Variants in PRDM11 observed in about 807,000 individuals in gnomAD.
PRDM11 encodes the protein PR/SET domain 11.
PRDM11 carries 20 observed loss-of-function variants against 97.8 expected under a neutral mutation model. The observed-to-expected ratio is 0.20, with a 90% CI of 0.14 to 0.30. The LOEUF is 0.30. PRDM11 is among the 10% of genes least tolerant of loss of function. The pLI is 1.00. For missense variants in PRDM11, 1,139 were observed against 1,555.2 expected, an observed-to-expected ratio of 0.73 and a Z score of 4.50; for synonymous variants, 599 against 637.7, an observed-to-expected ratio of 0.94 and a Z score of 0.91.
At chr11:45,126,163 G>T (rs1348348920) in intron 1 of PRDM11, among the ~76,000 whole-genome samples, 1 of 151,988 alleles carries the variant, frequency 6.6e-6, no homozygotes, top group African/African-American at 2.4e-5. Flanking sequence ...TGCAACCCCT[G>T]CCTTTTTTTG....
intron 4 of PRDM11, among the ~76,000 whole-genome samples, chr11:45,196,527 A>ATC (rs1472715482): frequency 6.6e-6 from 1 of 151,974 alleles, no homozygotes; most frequent in Non-Finnish European, 1.5e-5. Context: ...ATACTCCTGG[A>ATC]TCTCTCTCTC....
At chr11:45,221,990 G>T (rs868764586) in intron 6 of PRDM11, among the ~76,000 whole-genome samples, 7 of 152,278 alleles carry the variant, frequency 4.6e-5, no homozygotes, top group South Asian at 4.2e-4. Flanking sequence ...GTAATTGGAG[G>T]TAGGCACCCT....
rs563855463 is a variant in PRDM11, at chr11:45,182,795, C to A, written c.224-66C>A. On this transcript the variant is annotated intron_variant, in intron 3 of 7. Transcript: ENST00000683152. ...GTGGGCCTCCTGTCAGCCCCTCTAC[C>A]TCCCCCATGGGGGTCTTACCTCCCT... The A allele has an allele frequency of 1.5e-5, 23 of 1,493,306 alleles. No individual in the cohort carries two copies. The East Asian group carries it at 5.0e-4, about 33-fold the overall frequency. The allele number at this position is 1,493,306 out of a possible 1,614,324, so 92.5% of individuals were successfully genotyped here.
At chr11:45,158,625 G>A (rs1402059391) in intron 1 of PRDM11, among the ~76,000 whole-genome samples, 6 of 152,212 alleles carry the variant, frequency 3.9e-5, no homozygotes, top group African/African-American at 1.2e-4. Flanking sequence ...GACTTGGTTG[G>A]TCCCACACTG....
intron 4 of PRDM11, among the ~76,000 whole-genome samples, chr11:45,193,450 G>T (rs1051342554): frequency 6.6e-6 from 1 of 152,168 alleles, no homozygotes; most frequent in Non-Finnish European, 1.5e-5. Flanking sequence ...TCTGTAAAGG[G>T]CTAGATAGTG....
In PRDM11 at chr11:45,224,359, A is replaced by G; in HGVS notation, c.885A>G (p.Gln295=). The change falls in exon 7 of 8, where the codon CAA becomes CAG. Residue 295 remains glutamine (Q), a synonymous_variant. Coordinates refer to ENST00000683152, the MANE Select transcript of PRDM11 (RefSeq NM_001384648.1). Reference sequence around the variant, plus strand: ...TTGATGAGGGGGATGTACACCCCCAAGCTAAGAAGAAGAAAATTGACCTGA... The same window carrying G: ...TTGATGAGGGGGATGTACACCCCCAGGCTAAGAAGAAGAAAATTGACCTGA... ...RGFDEGDVHP[Q]AKKKKIDLIF... The G allele has an allele frequency of 6.2e-7, 1 of 1,614,208 alleles. No individual in the cohort carries two copies. The highest frequency in any genetic ancestry group is 8.5e-7 in the Non-Finnish European group (1 of 1,180,034).
At position 45,227,484 on chromosome 11, in the gene PRDM11, A is replaced by C. The variant is rs1432018472; in HGVS notation, c.2859A>C (p.Glu953Asp). 1.3e-6 allele frequency: 2 copies of C among 1,533,726 alleles called. No individual in the cohort carries two copies. The highest frequency in any genetic ancestry group is 2.3e-4 in the Middle Eastern group (1 of 4,380). ...GIAMKNLRVA[E>D]AKFQSIREKI... ...CCATGAAGAACCTCAGGGTGGCTGA[A>C]GCCAAGTTCCAGTCCATCAGGGAGA... The change falls in exon 8 of 8, where the codon GAA (glutamate) becomes GAC (aspartate). Residue 953 changes from glutamate (E) to aspartate (D), a missense_variant. Around this residue, in one of 2 missense-constraint regions of PRDM11, gnomAD observed 710 missense variants for 1,044.9 expected, o/e 0.68. Transcript: ENST00000683152. The surrounding 1 kb of genome is among the most constrained non-coding windows in gnomAD (Gnocchi z 8.0).
At chr11:45,132,925 T>C (rs965849507) in intron 1 of PRDM11, among the ~76,000 whole-genome samples, 1 of 152,156 alleles carries the variant, frequency 6.6e-6, no homozygotes. Flanking sequence ...GGCTCAGCCA[T>C]CTTGCTGTGG....
intron 1 of PRDM11, among the ~76,000 whole-genome samples, chr11:45,162,336 T>C (rs1340013430): frequency 6.6e-6 from 1 of 152,042 alleles, no homozygotes; most frequent in African/African-American, 2.4e-5. Context: ...GCAGCCATCA[T>C]TGGACCCATT....
intron 1 of PRDM11, among the ~76,000 whole-genome samples, chr11:45,138,217 GA>G (rs1200364942): frequency 6.6e-6 from 1 of 152,066 alleles, no homozygotes; most frequent in Non-Finnish European, 1.5e-5. Flanking sequence ...GTAATACAGA[GA>G]ACAGAAGGAA....
chr11:45,101,230 A>C (rs1006863228), intron 1 of PRDM11, among the ~76,000 whole-genome samples: 4 of 152,316 alleles, frequency 2.6e-5, no homozygotes, highest in Middle Eastern at 6.8e-3. Flanking sequence ...AGACTTGCCC[A>C]GTCCTCAGAC....
rs776855015 is a variant in PRDM11 at position 45,182,914 on chromosome 11, C to A, written c.277C>A (p.Pro93Thr). ...GGATGAATGCCCAAACCATGGCCCCCCGGTGTTTGTGTCTGACACACCGGT... is the reference window on the plus strand; with the variant it reads ...GGATGAATGCCCAAACCATGGCCCCACGGTGTTTGTGTCTGACACACCGGT... ...FVDECPNHGPPVFVSDTPVPV... is the reference protein window; with the variant it reads ...FVDECPNHGPTVFVSDTPVPV... Residue 93 changes from proline to threonine, a missense_variant, in exon 4 of 8, where the codon CCG (proline) becomes ACG (threonine). Pro to Thr is a conservative substitution (Grantham distance 38). Around this residue, in one of 2 missense-constraint regions of PRDM11, gnomAD observed 429 missense variants for 510.3 expected, o/e 0.84. Coordinates refer to ENST00000683152, the MANE Select transcript of PRDM11 (RefSeq NM_001384648.1). 25 of 1,612,364 alleles carry A rather than the reference C, an allele frequency of 1.6e-5. No individual in the cohort carries two copies. Among genetic ancestry groups the A allele is most frequent in the African/African-American group, 2.7e-5 (2 of 74,890 alleles).
intron 2 of PRDM11, 121 bp downstream of exon 2, chr11:45,182,006 C>A: frequency 1.1e-6 from 1 of 950,280 alleles, no homozygotes; most frequent in Non-Finnish European, 1.6e-6. Flanking sequence ...ACCCTGCTCC[C>A]GGCAGCTCCT....
At chr11:45,225,609 A>G (rs1854256136) in intron 7 of PRDM11, among the ~76,000 whole-genome samples, 1 of 152,210 alleles carries the variant, frequency 6.6e-6, no homozygotes, top group African/African-American at 2.4e-5. Flanking sequence ...AGGGCAAATG[A>G]ATCCCAAGTC....
At chr11:45,223,830 T>TG (rs1182671382) in intron 6 of PRDM11, among the ~76,000 whole-genome samples, 1 of 152,158 alleles carries the variant, frequency 6.6e-6, no homozygotes, top group Non-Finnish European at 1.5e-5. Context: ...CTGCAAAGGT[T>TG]GGGGGAGTTG....
At chr11:45,224,870 T>G (rs1404691738) in intron 7 of PRDM11, 27 bp downstream of exon 7, 1 of 1,609,924 alleles carries the variant, frequency 6.2e-7, no homozygotes, top group African/African-American at 1.3e-5. Flanking sequence ...GAGATTATTG[T>G]CGGAGGGCAG....
intron 1 of PRDM11, among the ~76,000 whole-genome samples, chr11:45,136,260 T>A (rs1452665773): frequency 6.6e-6 from 1 of 152,216 alleles, no homozygotes; most frequent in East Asian, 1.9e-4. Flanking sequence ...CCATTTTTAT[T>A]TTAAATGTTA....
chr11:45,216,298 C>T (rs1853954118), intron 5 of PRDM11: 1 of 147,748 alleles, frequency 6.8e-6, no homozygotes, highest in Admixed American at 6.7e-5. Flanking sequence ...GAGGTAGTGA[C>T]CTGGTAACTC....
At chr11:45,115,665 C>T (rs1017986240) in intron 1 of PRDM11, among the ~76,000 whole-genome samples, 8 of 152,026 alleles carry the variant, frequency 5.3e-5, no homozygotes, top group African/African-American at 1.4e-4. Flanking sequence ...TGTGGTGGCT[C>T]ATGCCTATAA....
Sources: gnomAD v4.1 joint callset for allele counts (sites outside exome capture counted in the v4.1 genomes callset) on GRCh38, gnomAD v4.1.1 for gene constraint, gnomAD v4.1.1 regional missense constraint, Gnocchi (gnomAD v3.1) non-coding constraint, MANE v1.5 for transcripts, NCBI Gene and HGNC (gene_info 2026-07-23, HGNC 2026-07-21) for gene names.